The following KBTBD12 variants were observed in gnomAD, a reference collection of about 807,000 sequenced individuals.
KBTBD12 encodes the protein kelch repeat and BTB domain containing 12.
In KBTBD12, 53 loss-of-function variants were observed where a neutral mutation model predicts 58.7. The observed-to-expected ratio is 0.90, with a 90% CI of 0.72 to 1.14. The LOEUF (loss-of-function observed/expected upper bound fraction) is 1.14. Ranked by LOEUF, KBTBD12 falls within the 50% of genes most tolerant of loss-of-function variation. KBTBD12 has a pLI of 0.00. For synonymous variants in KBTBD12, 236 were observed against 259.8 expected (o/e 0.91, Z 0.88); for missense variants, 704 against 751.3 (o/e 0.94, Z 0.74).
chr3:127,918,711 C>CAAA (rs56759676), intron 1 of KBTBD12, among the ~76,000 whole-genome samples: 1 of 117,606 alleles, frequency 8.5e-6, no homozygotes, highest in Non-Finnish European at 1.7e-5. Context: ...GACTCCGTCT[C>CAAA]AAAAAAAAAA....
At chr3:127,944,394 C>CTG (rs1482544139) in intron 4 of KBTBD12, among the ~76,000 whole-genome samples, 2 of 151,800 alleles carry the variant, frequency 1.3e-5, no homozygotes, top group African/African-American at 4.8e-5. Context: ...CAGAGATTAT[C>CTG]CACTTTCTTG....
intron 4 of KBTBD12, among the ~76,000 whole-genome samples, chr3:127,937,083 C>T (rs1254370304): frequency 2.0e-5 from 3 of 151,990 alleles, no homozygotes; most frequent in Non-Finnish European, 4.4e-5. Flanking sequence ...TCAAAAATCC[C>T]CCACAAATAA....
intron 5 of KBTBD12, among the ~76,000 whole-genome samples, chr3:127,967,398 A>G (rs1019323290): frequency 4.6e-5 from 7 of 152,224 alleles, no homozygotes; most frequent in Admixed American, 4.6e-4. Flanking sequence ...TAACAATATC[A>G]TAATAAACAT....
intron 4 of KBTBD12, among the ~76,000 whole-genome samples, chr3:127,942,014 A>G (rs1312150700): frequency 1.3e-5 from 2 of 152,188 alleles, no homozygotes; most frequent in Non-Finnish European, 2.9e-5. Context: ...ACAATAAAGA[A>G]AGATAAAGTT....
At position 127,921,935 on chromosome 3, in the gene KBTBD12, A is replaced by G. The variant is rs567437863; in HGVS notation, c.-112-1015A>G. Among the ~76,000 whole-genome samples the G allele has an allele frequency of 4.7e-4, 72 of 152,292 alleles. 1 individual carries two copies. Among genetic ancestry groups the G allele is most frequent in the African/African-American group, 1.6e-3 (68 of 41,570 alleles). On this transcript the variant is annotated intron_variant, in intron 1 of 5. Transcript: ENST00000405109. ...ACCCCAAAAGGATATTATCTTACTC[A>G]TAATCTAGAAATGTATTAACTTTTC...
At chr3:127,950,111 G>T (rs1940172620) in intron 4 of KBTBD12, among the ~76,000 whole-genome samples, 1 of 152,108 alleles carries the variant, frequency 6.6e-6, no homozygotes, top group Non-Finnish European at 1.5e-5. Flanking sequence ...TTCAGTTTTT[G>T]AATTTTGTTC....
rs905404649 is a variant in KBTBD12, at chr3:127,950,781, C to T, written c.1493-12408C>T. Among the ~76,000 whole-genome samples, 4 of 152,258 alleles carry T rather than the reference C, an allele frequency of 2.6e-5. No individual in the cohort carries two copies. In the South Asian group the frequency reaches 8.3e-4, roughly 32 times the overall value. ...GCACGGTGACTCAATCCTGTAATCC[C>T]AGCACTTTGGAAGGCTGAGGCAGGT... On this transcript the variant is annotated intron_variant, in intron 4 of 5. Transcript: ENST00000405109.
chr3:127,982,470 C>G (rs1559777581), intron 5 of KBTBD12, among the ~76,000 whole-genome samples: 1 of 152,140 alleles, frequency 6.6e-6, no homozygotes, highest in Non-Finnish European at 1.5e-5. Context: ...TCCCCACACC[C>G]ACTGAAATTA....
At chr3:127,928,744 A>T (rs927772611) in intron 3 of KBTBD12, among the ~76,000 whole-genome samples, 1 of 152,178 alleles carries the variant, frequency 6.6e-6, no homozygotes, top group African/African-American at 2.4e-5. Context: ...AATTAATCTC[A>T]CTAGCTCATT....
At chr3:127,982,838 A>C (rs1193236654) in intron 5 of KBTBD12, among the ~76,000 whole-genome samples, 8 of 152,172 alleles carry the variant, frequency 5.3e-5, no homozygotes, top group Non-Finnish European at 1.5e-5. Flanking sequence ...AGTGCTGGGT[A>C]CTGTGCCATC....
At chr3:127,959,056 G>C (rs1427214147) in intron 4 of KBTBD12, among the ~76,000 whole-genome samples, 1 of 152,142 alleles carries the variant, frequency 6.6e-6, no homozygotes, top group Non-Finnish European at 1.5e-5. Context: ...CAAGAAGCTA[G>C]GTTCATGTTT....
intron 5 of KBTBD12, among the ~76,000 whole-genome samples, chr3:127,966,915 A>T (rs1559773410): frequency 2.0e-5 from 3 of 152,254 alleles, no homozygotes; most frequent in African/African-American, 2.4e-5. Context: ...CTGAATGATG[A>T]CATTGGGAGC....
At chr3:127,919,335 A>T (rs1012045992) in intron 1 of KBTBD12, among the ~76,000 whole-genome samples, 1 of 152,128 alleles carries the variant, frequency 6.6e-6, no homozygotes, top group East Asian at 1.9e-4. Context: ...GGTTCAAGTG[A>T]TTCTCCTGCC....
chr3:127,933,623 A>T (rs1229827286), intron 4 of KBTBD12, among the ~76,000 whole-genome samples: 1 of 152,166 alleles, frequency 6.6e-6, no homozygotes, highest in Non-Finnish European at 1.5e-5. Flanking sequence ...GAGCACATGT[A>T]GAGAGCAGAT....
intron 5 of KBTBD12, among the ~76,000 whole-genome samples, chr3:127,964,360 G>A (rs1013883693): frequency 1.3e-5 from 2 of 151,934 alleles, no homozygotes; most frequent in Admixed American, 6.6e-5. Flanking sequence ...GTGGCTGGGC[G>A]CGGTGGCTCA....
intron 4 of KBTBD12, among the ~76,000 whole-genome samples, chr3:127,931,943 A>AC (rs1939713395): frequency 6.6e-6 from 1 of 152,102 alleles, no homozygotes; most frequent in South Asian, 2.1e-4. Flanking sequence ...TGAGTAGTAA[A>AC]CTGAGAAGCA....
At chr3:127,938,269 C>T (rs1939866363) in intron 4 of KBTBD12, among the ~76,000 whole-genome samples, 1 of 151,888 alleles carries the variant, frequency 6.6e-6, no homozygotes, top group Admixed American at 6.6e-5. Context: ...GAAATGAAAT[C>T]AAAATTATAA....
intron 4 of KBTBD12, among the ~76,000 whole-genome samples, chr3:127,936,400 T>G (rs1236907856): frequency 1.3e-5 from 2 of 150,236 alleles, no homozygotes; most frequent in African/African-American, 2.5e-5. Flanking sequence ...ACATGAAAAA[T>G]AGTCAAACAA....
intron 4 of KBTBD12, among the ~76,000 whole-genome samples, chr3:127,938,039 A>G (rs990798323): frequency 2.5e-4 from 38 of 152,206 alleles, no homozygotes; most frequent in Admixed American, 2.0e-4. Context: ...ACCACCATAA[A>G]GGAATTTTAA....
Sources: gnomAD v4.1 joint callset for allele counts (sites outside exome capture counted in the v4.1 genomes callset) on GRCh38, gnomAD v4.1.1 for gene constraint, MANE v1.5 for transcripts, NCBI Gene and HGNC (gene_info 2026-07-23, HGNC 2026-07-21) for gene names.